The following MSH3 variants were observed in gnomAD, a reference collection of about 807,000 sequenced individuals.
MSH3 encodes the protein mutS homolog 3.
In MSH3, 106 loss-of-function variants were observed where a neutral mutation model predicts 123.3. That is an observed-to-expected ratio of 0.86 (90% CI 0.73 to 1.01). MSH3 has a LOEUF of 1.01. MSH3 is among the 50% of genes least tolerant of loss of function. The pLI, the probability that MSH3 is intolerant of heterozygous loss-of-function variation, is 0.00. For synonymous variants in MSH3, 515 were observed against 481.4 expected, an observed-to-expected ratio of 1.07 and a Z score of -0.91; for missense variants, 1,459 against 1,347.6, an observed-to-expected ratio of 1.08 and a Z score of -1.29.
At chr5:80,794,516 C>A (rs1431189805) in intron 19 of MSH3, among the ~76,000 whole-genome samples, 1 of 151,830 alleles carries the variant, frequency 6.6e-6, no homozygotes, top group South Asian at 2.1e-4. Context: ...GGTGATGGGT[C>A]AAAAAATGAA....
intron 8 of MSH3, among the ~76,000 whole-genome samples, chr5:80,713,893 G>A (rs1561452833): frequency 1.3e-5 from 2 of 152,036 alleles, no homozygotes; most frequent in Admixed American, 1.3e-4. Flanking sequence ...AGCACCTTTC[G>A]GGTGGGAATC....
At chr5:80,717,222 C>A (rs913120032) in intron 8 of MSH3, among the ~76,000 whole-genome samples, 1 of 152,050 alleles carries the variant, frequency 6.6e-6, no homozygotes. Context: ...TGAATGTATA[C>A]CCAGTAGTGA....
chr5:80,725,214 CAAAA>C (rs33919693), intron 8 of MSH3, among the ~76,000 whole-genome samples: 4 of 99,052 alleles, frequency 4.0e-5, no homozygotes, highest in Non-Finnish European at 4.0e-5. Context: ...GACTCCATCT[CAAAA>C]AAAAAAAAAA....
intron 22 of MSH3, among the ~76,000 whole-genome samples, chr5:80,868,204 G>A (rs1355739726): frequency 6.6e-6 from 1 of 152,118 alleles, no homozygotes; most frequent in African/African-American, 2.4e-5. Flanking sequence ...GTGTAAGGCA[G>A]TGTGGTGATT....
intron 19 of MSH3, among the ~76,000 whole-genome samples, chr5:80,812,100 T>C (rs949455943): frequency 1.2e-4 from 18 of 152,164 alleles, no homozygotes; most frequent in African/African-American, 4.1e-4. Flanking sequence ...TTAGGTGCAA[T>C]ATAAAGCCAT....
At chr5:80,698,949 A>G (rs1231119106) in intron 8 of MSH3, among the ~76,000 whole-genome samples, 5 of 152,196 alleles carry the variant, frequency 3.3e-5, no homozygotes, top group African/African-American at 4.8e-5. Flanking sequence ...TTAAAGTATA[A>G]TAAAAATATA....
chr5:80,844,618 T>C (rs245363), intron 20 of MSH3, among the ~76,000 whole-genome samples: 37,482 of 152,102 alleles, frequency 0.25, 4,897 homozygotes, highest in Non-Finnish European at 0.3. Flanking sequence ...GATAGTTAAG[T>C]CTTCCTGTTG....
intron 8 of MSH3, among the ~76,000 whole-genome samples, chr5:80,699,213 T>C (rs1239356526): frequency 6.6e-6 from 1 of 152,158 alleles, no homozygotes; most frequent in Non-Finnish European, 1.5e-5. Flanking sequence ...ATAATGGGTA[T>C]CTCCTATTTG....
intron 4 of MSH3, among the ~76,000 whole-genome samples, chr5:80,671,531 C>T (rs980027700): frequency 4.6e-5 from 7 of 152,120 alleles, no homozygotes; most frequent in South Asian, 2.1e-4. Flanking sequence ...ATCCCCTAGG[C>T]GAAGGAGAGA....
In MSH3 at chr5:80,802,748, C is replaced by T. The variant is rs571761297; in HGVS notation, c.2655+9904C>T. On this transcript the variant is annotated intron_variant, in intron 19 of 23. Transcript: ENST00000265081. ...ACTACCCTTCCCAGCCTCTGGTAACCATCCTTCTGCTCTTTATCTCCATGA... is the reference window on the plus strand; with the variant it reads ...ACTACCCTTCCCAGCCTCTGGTAACTATCCTTCTGCTCTTTATCTCCATGA... Among the ~76,000 whole-genome samples, 5 of 152,184 alleles carry T rather than the reference C, an allele frequency of 3.3e-5. No homozygotes were observed. In the South Asian group the frequency reaches 1.0e-3, roughly 32 times the overall value.
intron 13 of MSH3, among the ~76,000 whole-genome samples, chr5:80,767,676 T>C (rs1262281963): frequency 6.6e-6 from 1 of 152,188 alleles, no homozygotes; most frequent in African/African-American, 2.4e-5. Flanking sequence ...ATATGGTTTA[T>C]GTTATTTTAA....
chr5:80,656,654 T>A, intron 2 of MSH3, 123 bp downstream of exon 2: 1 of 1,378,082 alleles, frequency 7.3e-7, no homozygotes, highest in Non-Finnish European at 1.0e-6. Flanking sequence ...TCCCTTTTGT[T>A]CCTGAGCAGA....
intron 20 of MSH3, among the ~76,000 whole-genome samples, chr5:80,835,464 A>G (rs1745492121): frequency 6.6e-6 from 1 of 152,188 alleles, no homozygotes; most frequent in Non-Finnish European, 1.5e-5. Flanking sequence ...AGCGGAAGGT[A>G]AAAAAATAAA....
At chr5:80,661,706 AT>A (rs762623041) in intron 2 of MSH3, among the ~76,000 whole-genome samples, 11 of 151,808 alleles carry the variant, frequency 7.2e-5, no homozygotes, top group Non-Finnish European at 1.5e-4. Flanking sequence ...GATTTTTCCT[AT>A]TTTTTGCATG....
At chr5:80,761,913 G>A (rs954934818) in intron 13 of MSH3, among the ~76,000 whole-genome samples, 8 of 151,940 alleles carry the variant, frequency 5.3e-5, no homozygotes, top group South Asian at 2.1e-4. Flanking sequence ...CAACATAGAG[G>A]CCCTTCTGTT....
chr5:80,803,493 T>G (rs112756240), intron 19 of MSH3, among the ~76,000 whole-genome samples: 144 of 111,842 alleles, frequency 1.3e-3, no homozygotes, highest in African/African-American at 4.1e-3. Context: ...GATGGATGGT[T>G]TGCAAATATT....
chr5:80,823,496 C>T (rs1325784983), intron 20 of MSH3, among the ~76,000 whole-genome samples: 1 of 152,140 alleles, frequency 6.6e-6, no homozygotes. Context: ...CTATAAGTAA[C>T]CCTAGTTCTT....
chr5:80,828,844 C>T (rs1460551344), intron 20 of MSH3, among the ~76,000 whole-genome samples: 1 of 152,196 alleles, frequency 6.6e-6, no homozygotes, highest in South Asian at 2.1e-4. Flanking sequence ...GATTGGATCC[C>T]AGGGCCTCAG....
chr5:80,739,088 A>G (rs1305523659), intron 10 of MSH3, among the ~76,000 whole-genome samples: 2 of 152,240 alleles, frequency 1.3e-5, no homozygotes, highest in Non-Finnish European at 2.9e-5. Context: ...CCAAATAAAC[A>G]AAGATGCCAG....
Sources: allele counts gnomAD v4.1 joint callset (sites outside exome capture counted in the v4.1 genomes callset), GRCh38; gene constraint gnomAD v4.1.1; transcripts MANE v1.5; gene names NCBI Gene and HGNC (gene_info 2026-07-23, HGNC 2026-07-21).